The following PDE4B variants were observed in gnomAD, a reference collection of about 807,000 sequenced individuals.
PDE4B encodes the protein phosphodiesterase 4B.
A neutral mutation model predicts 82.2 loss-of-function variants in PDE4B; 20 were observed. That is an observed-to-expected ratio of 0.24 (90% confidence interval 0.17 to 0.35). The LOEUF (loss-of-function observed/expected upper bound fraction) is 0.35, where lower values mean the gene tolerates loss of function less well. Among genes scored for constraint, PDE4B ranks in the 10% least tolerant of loss-of-function variants. The probability of loss-of-function intolerance (pLI) is 1.00; values close to 1 mark genes in which losing one functional copy is unlikely to be tolerated. For synonymous variants in PDE4B, 320 were observed against 318.9 expected (o/e 1.00, Z -0.04); for missense variants, 655 against 907.2 (o/e 0.72, Z 3.57).
At chr1:66,043,315 T>A (rs1183983215) in intron 3 of PDE4B, among the ~76,000 whole-genome samples, 1 of 151,784 alleles carries the variant, frequency 6.6e-6, no homozygotes, top group Admixed American at 6.6e-5. Context: ...AGTCAATCTG[T>A]GTTGAATCTT....
intron 3 of PDE4B, among the ~76,000 whole-genome samples, chr1:66,026,628 A>C (rs758756637): frequency 3.9e-5 from 6 of 152,250 alleles, no homozygotes; most frequent in African/African-American, 7.2e-5. Context: ...ACTAGCACAT[A>C]ATAACTACTA....
chr1:66,181,615 G>T (rs958495108), intron 3 of PDE4B, among the ~76,000 whole-genome samples: 7 of 152,110 alleles, frequency 4.6e-5, no homozygotes, highest in Non-Finnish European at 1.0e-4. Flanking sequence ...AGATTCTATT[G>T]AGTGTGGCTA....
chr1:65,887,246 C>CTTTCTTTCTTTCTTTCT (rs1282290754), intron 1 of PDE4B, among the ~76,000 whole-genome samples: 2 of 21,644 alleles, frequency 9.2e-5, no homozygotes, highest in African/African-American at 3.8e-4. Flanking sequence ...TTCTTTCTTT[C>CTTTCTTTCTTTCTTTCT]TTTTCTTTCT....
intron 1 of PDE4B, among the ~76,000 whole-genome samples, chr1:65,902,467 C>T (rs1427538909): frequency 6.6e-6 from 1 of 152,130 alleles, no homozygotes; most frequent in African/African-American, 2.4e-5. Context: ...ACTTACCTTA[C>T]AAAAGCACAG....
intron 3 of PDE4B, among the ~76,000 whole-genome samples, chr1:66,086,762 TA>T (rs1657027192): frequency 6.6e-6 from 1 of 152,198 alleles, no homozygotes; most frequent in African/African-American, 2.4e-5. Context: ...TTCAAAACTT[TA>T]GGGCCCATAT....
At chr1:65,828,327 C>A (rs1027509364) in intron 1 of PDE4B, among the ~76,000 whole-genome samples, 1 of 152,026 alleles carries the variant, frequency 6.6e-6, no homozygotes, top group African/African-American at 2.4e-5. Context: ...CTCACTGCAA[C>A]CTCTGCCTCC....
At chr1:66,084,325 T>C (rs935854865) in intron 3 of PDE4B, among the ~76,000 whole-genome samples, 5 of 152,066 alleles carry the variant, frequency 3.3e-5, no homozygotes, top group African/African-American at 1.2e-4. Context: ...AAAACGCAAA[T>C]CAATCGCTCA....
chr1:66,098,093 A>G (rs191943844), intron 3 of PDE4B, among the ~76,000 whole-genome samples: 2 of 152,204 alleles, frequency 1.3e-5, no homozygotes, highest in Admixed American at 6.6e-5. Flanking sequence ...GACTAACTCT[A>G]TGTAAGCTCT....
intron 3 of PDE4B, among the ~76,000 whole-genome samples, chr1:66,137,267 G>T (rs1646077421): frequency 6.6e-6 from 1 of 152,134 alleles, no homozygotes; most frequent in African/African-American, 2.4e-5. Flanking sequence ...ATGTCTCGTG[G>T]GGTGTAGGAA....
chr1:66,093,146 A>T (rs10889600), intron 3 of PDE4B, among the ~76,000 whole-genome samples: 56,515 of 151,402 alleles, frequency 0.37, 10,637 homozygotes, highest in Middle Eastern at 0.42. Flanking sequence ...CTCATGGACT[A>T]GGGGTCAAAC....
At chr1:65,984,874 G>A (rs895476508) in intron 3 of PDE4B, among the ~76,000 whole-genome samples, 2 of 152,076 alleles carry the variant, frequency 1.3e-5, no homozygotes, top group South Asian at 4.1e-4. Flanking sequence ...TAATATTGCA[G>A]TGTTTTGATT....
chr1:65,875,858 G>A (rs887967030), intron 1 of PDE4B, among the ~76,000 whole-genome samples: 22 of 151,202 alleles, frequency 1.5e-4, no homozygotes, highest in Non-Finnish European at 2.8e-4. Context: ...GTTGGATGAC[G>A]AGTTATTGGG....
chr1:65,887,118 C>T (rs1646787490), intron 1 of PDE4B, among the ~76,000 whole-genome samples: 1 of 150,754 alleles, frequency 6.6e-6, no homozygotes, highest in Non-Finnish European at 1.5e-5. Flanking sequence ...TTTTCCCTCC[C>T]TCCCTCCTTC....
chr1:65,918,313 G>A (rs529131905), intron 2 of PDE4B, among the ~76,000 whole-genome samples: 2 of 152,118 alleles, frequency 1.3e-5, no homozygotes, highest in African/African-American at 4.8e-5. Context: ...ATTAAAATAG[G>A]AAAGAAGGAG....
chr1:66,218,664 A>G (rs1179902703), intron 3 of PDE4B, among the ~76,000 whole-genome samples: 1 of 152,062 alleles, frequency 6.6e-6, no homozygotes, highest in African/African-American at 2.4e-5. Context: ...CCTCTTTCCC[A>G]CCCTTCAGAA....
intron 3 of PDE4B, among the ~76,000 whole-genome samples, chr1:66,037,125 CAAAA>C (rs71058446): frequency 6.9e-5 from 6 of 86,686 alleles, no homozygotes; most frequent in Admixed American, 1.3e-4. Flanking sequence ...GACTCTGCCT[CAAAA>C]AAAAAAAAAA....
At chr1:66,151,953 A>T (rs17128465) in intron 3 of PDE4B, among the ~76,000 whole-genome samples, 13,553 of 152,280 alleles carry the variant, frequency 0.089, 1,301 homozygotes, top group African/African-American at 0.23. Flanking sequence ...AGAAACACTC[A>T]TTGAAGTTAA....
chr1:65,890,299 A>T (rs1469905568), intron 1 of PDE4B, among the ~76,000 whole-genome samples: 3 of 152,192 alleles, frequency 2.0e-5, no homozygotes, highest in African/African-American at 7.2e-5. Context: ...ATGTGAGGGT[A>T]TGTGTGGGTG....
chr1:66,032,523 A>G (rs962856567), intron 3 of PDE4B, among the ~76,000 whole-genome samples: 15 of 152,308 alleles, frequency 9.8e-5, no homozygotes, highest in Admixed American at 9.8e-4. Flanking sequence ...CTTTGACAGT[A>G]TGTGCACGTA....
Sources: allele counts gnomAD v4.1 joint callset (sites outside exome capture counted in the v4.1 genomes callset), GRCh38; gene constraint gnomAD v4.1.1; transcripts MANE v1.5; gene names NCBI Gene and HGNC (gene_info 2026-07-23, HGNC 2026-07-21).